SLC22A3: variants seen among roughly 807,000 people sequenced by gnomAD.
SLC22A3 encodes EMT organic cation transporter 3.
In SLC22A3, 51 loss-of-function variants were observed where a neutral mutation model predicts 59.1. The ratio of observed to expected loss-of-function variants is 0.86; its 90% CI spans 0.69 to 1.09. The LOEUF (loss-of-function observed/expected upper bound fraction) is 1.09, where lower values mean the gene tolerates loss of function less well. SLC22A3 is among the 50% of genes least tolerant of loss of function. SLC22A3 has a pLI of 0.00. For synonymous variants in SLC22A3, 325 were observed against 292.0 expected (o/e 1.11, Z -1.15); for missense variants, 711 against 726.3 (o/e 0.98, Z 0.24).
chr6:160,432,699 A>C (rs1018789882), intron 5 of SLC22A3, among the ~76,000 whole-genome samples: 5 of 152,164 alleles, frequency 3.3e-5, no homozygotes, highest in Non-Finnish European at 7.3e-5. Context: ...GTTAGGCTTA[A>C]TTTTTAATTT....
intron 1 of SLC22A3, among the ~76,000 whole-genome samples, chr6:160,384,799 C>T (rs945970742): frequency 5.3e-5 from 8 of 152,200 alleles, no homozygotes; most frequent in Admixed American, 5.2e-4. Context: ...CCAGGGGAAG[C>T]CATCTCCACA....
chr6:160,436,816 T>G lies in SLC22A3; in HGVS notation c.1012T>G (p.Phe338Val). 1 of 1,613,524 alleles carries G rather than the reference T, an allele frequency of 6.2e-7. No individual in the cohort carries two copies. The change falls in exon 6 of 11, where the codon TTT (phenylalanine) becomes GTT (valine). Residue 338 changes from phenylalanine (F) to valine (V), a missense_variant. Transcript: ENST00000275300. ...VTDEEVSNPS[F>V]LDLVRTPQMR... Reference sequence around the variant, plus strand: ...AGATGAGGAAGTTAGTAATCCATCCTTTTTAGATCTGGTGAGAACTCCCCA... The same window carrying G: ...AGATGAGGAAGTTAGTAATCCATCCGTTTTAGATCTGGTGAGAACTCCCCA...
chr6:160,391,879 A>G (rs898169769), intron 1 of SLC22A3, among the ~76,000 whole-genome samples: 2 of 152,224 alleles, frequency 1.3e-5, no homozygotes, highest in African/African-American at 4.8e-5. Context: ...CAATTTCACA[A>G]GTTTAGAAAA....
rs187044063 is a variant in SLC22A3, at chr6:160,365,599, T to G, written c.429+16751T>G. On this transcript the variant is annotated intron_variant, in intron 1 of 10. Coordinates refer to ENST00000275300, the MANE Select transcript of SLC22A3 (RefSeq NM_021977.4). Reference sequence around the variant, plus strand: ...AGGAGGCTTGTATTAGCTAGTGATTTTTTTCATTGTGATGATGATGGCTAA... The same window carrying G: ...AGGAGGCTTGTATTAGCTAGTGATTGTTTTCATTGTGATGATGATGGCTAA... Among the ~76,000 whole-genome samples, 362 of 152,320 alleles carry G rather than the reference T, an allele frequency of 2.4e-3. 3 individuals carry two copies. The highest frequency in any genetic ancestry group is 2.9e-3 in the South Asian group (14 of 4,818).
chr6:160,391,560 C>T (rs563975481), intron 1 of SLC22A3, among the ~76,000 whole-genome samples: 7 of 152,228 alleles, frequency 4.6e-5, no homozygotes, highest in African/African-American at 1.2e-4. Flanking sequence ...GACCTGGGAG[C>T]GGCCAAGTCA....
chr6:160,396,800 A>G (rs193067146), intron 1 of SLC22A3, among the ~76,000 whole-genome samples: 1 of 152,170 alleles, frequency 6.6e-6, no homozygotes, highest in Non-Finnish European at 1.5e-5. Context: ...TAACCCAAGC[A>G]GAAAAAATCC....
intron 10 of SLC22A3, among the ~76,000 whole-genome samples, chr6:160,448,019 G>GT (rs1292072083): frequency 1.1e-4 from 16 of 151,844 alleles, no homozygotes; most frequent in East Asian, 3.9e-4. Flanking sequence ...AGTATGCATT[G>GT]TTTTTTTTAA....
At chr6:160,448,802 G>A (rs1583524358) in intron 10 of SLC22A3, among the ~76,000 whole-genome samples, 1 of 152,248 alleles carries the variant, frequency 6.6e-6, no homozygotes, top group South Asian at 2.1e-4. Context: ...AAGAGGGGTA[G>A]GGAAGGGAGG....
chr6:160,413,344 G>T (rs924697682), intron 5 of SLC22A3, among the ~76,000 whole-genome samples: 1 of 152,324 alleles, frequency 6.6e-6, no homozygotes. Context: ...ATGAACTATG[G>T]GATCCAGTGG....
chr6:160,438,020 T>A (rs1788413224), intron 7 of SLC22A3, among the ~76,000 whole-genome samples: 1 of 152,158 alleles, frequency 6.6e-6, no homozygotes, highest in Non-Finnish European at 1.5e-5. Context: ...GGAGTGAGTT[T>A]GGCATAACTG....
At chr6:160,427,500 CCTGGAATCCTGCCCACACCCAACAG>C (rs1788006758) in intron 5 of SLC22A3, among the ~76,000 whole-genome samples, 1 of 152,202 alleles carries the variant, frequency 6.6e-6, no homozygotes, top group Admixed American at 6.5e-5. Flanking sequence ...TTTCAGGGAT[CCTGGAATCCTGCCCACACCCAACAG>C]CTGGAACAGT....
At chr6:160,423,443 CACAA>C in intron 5 of SLC22A3, among the ~76,000 whole-genome samples, 1 of 152,180 alleles carries the variant, frequency 6.6e-6, no homozygotes, top group Non-Finnish European at 1.5e-5. Context: ...TTTACAGTCC[CACAA>C]ACAGTGTGAA....
At chr6:160,430,342 A>C (rs758799445) in intron 5 of SLC22A3, among the ~76,000 whole-genome samples, 1 of 152,190 alleles carries the variant, frequency 6.6e-6, no homozygotes, top group Non-Finnish European at 1.5e-5. Flanking sequence ...TGTCTGGCCT[A>C]ACCCTGACTG....
chr6:160,423,864 G>A (rs911692701), intron 5 of SLC22A3, among the ~76,000 whole-genome samples: 3 of 152,156 alleles, frequency 2.0e-5, no homozygotes, highest in Admixed American at 2.0e-4. Flanking sequence ...TGTTGCCATT[G>A]CTTTTGGTGT....
intron 1 of SLC22A3, among the ~76,000 whole-genome samples, chr6:160,354,672 G>A (rs1784771063): frequency 6.6e-6 from 1 of 152,180 alleles, no homozygotes; most frequent in Non-Finnish European, 1.5e-5. Flanking sequence ...AATTGGCCGA[G>A]TGTGGTGATG....
At chr6:160,446,223 C>T (rs1788738002) in intron 9 of SLC22A3, among the ~76,000 whole-genome samples, 1 of 152,122 alleles carries the variant, frequency 6.6e-6, no homozygotes, top group Non-Finnish European at 1.5e-5. Context: ...CTGACTGGAG[C>T]AGAGCCAGGG....
At chr6:160,404,866 CAAAAA>C (rs35421179) in intron 2 of SLC22A3, among the ~76,000 whole-genome samples, 1 of 107,216 alleles carries the variant, frequency 9.3e-6, no homozygotes, top group Non-Finnish European at 2.0e-5. Context: ...CAACCACATG[CAAAAA>C]AAAAAAAAAA....
At chr6:160,447,614 A>G in intron 9 of SLC22A3, 105 bp from the exon 10 acceptor site, 1 of 906,074 alleles carries the variant, frequency 1.1e-6, no homozygotes. Context: ...TGTGGTTGAG[A>G]GCTACTCCAG....
intron 1 of SLC22A3, among the ~76,000 whole-genome samples, chr6:160,362,320 T>A (rs1473758119): frequency 6.6e-6 from 1 of 152,230 alleles, no homozygotes; most frequent in Non-Finnish European, 1.5e-5. Context: ...TGTTCCCAGG[T>A]TCAGAATTTC....
Sources: allele counts gnomAD v4.1 joint callset (sites outside exome capture counted in the v4.1 genomes callset), GRCh38; gene constraint gnomAD v4.1.1; transcripts MANE v1.5; gene names NCBI Gene and HGNC (gene_info 2026-07-23, HGNC 2026-07-21).